The following SF3B1 variants were observed in gnomAD, a reference collection of about 807,000 sequenced individuals.
SF3B1 encodes the protein pre-mRNA processing 10.
SF3B1 carries 12 observed loss-of-function variants against 153.8 expected under a neutral mutation model. The ratio of observed to expected loss-of-function variants is 0.08; its 90% CI spans 0.05 to 0.13. The LOEUF (loss-of-function observed/expected upper bound fraction) is 0.13, where lower values mean the gene tolerates loss of function less well. SF3B1 is among the 10% of genes least tolerant of loss of function. The pLI, the probability that SF3B1 is intolerant of heterozygous loss-of-function variation, is 1.00. For synonymous variants in SF3B1, 498 were observed against 525.2 expected (o/e 0.95, Z 0.71); for missense variants, 513 against 1,606.1 (o/e 0.32, Z 11.63).
intron 1 of SF3B1, among the ~76,000 whole-genome samples, chr2:197,424,355 G>A (rs142626274): frequency 6.6e-6 from 1 of 152,234 alleles, no homozygotes; most frequent in East Asian, 1.9e-4. Context: ...ACAAAAAGTA[G>A]CTGGGCGTGG....
At chr2:197,404,545 C>T (rs1243609616) in intron 11 of SF3B1, among the ~76,000 whole-genome samples, 1 of 152,002 alleles carries the variant, frequency 6.6e-6, no homozygotes, top group Non-Finnish European at 1.5e-5. Flanking sequence ...CCACTGCACT[C>T]CAGCCTGGGC....
chr2:197,429,509 C>T (rs758975223), intron 1 of SF3B1, among the ~76,000 whole-genome samples: 1 of 152,172 alleles, frequency 6.6e-6, no homozygotes, highest in Non-Finnish European at 1.5e-5. Flanking sequence ...GGCAGGCCGG[C>T]ACGGTGGCTC....
intron 5 of SF3B1, among the ~76,000 whole-genome samples, chr2:197,417,613 C>T (rs2085170414): frequency 6.6e-6 from 1 of 150,806 alleles, no homozygotes; most frequent in Non-Finnish European, 1.5e-5. Context: ...GAAAATTAGC[C>T]AGGCATGGCG....
chr2:197,390,526 G>GAAAGTTGTCATAC lies in SF3B1; in HGVS notation c.*1764_*1776dup. ...TTTACTACATAGTGACATATATTCAGAAAGTTGTCATACAAGGAATGATGA... is the reference window on the plus strand; with the variant it reads ...TTTACTACATAGTGACATATATTCAGAAAGTTGTCATACAAAGTTGTCATACAAGGAATGATGA... On this transcript the variant is annotated 3_prime_UTR_variant, in exon 25 of 25. Transcript: ENST00000335508. 6.6e-6 allele frequency: 1 copy of GAAAGTTGTCATAC among 152,110 alleles called. No individual in the cohort carries two copies. Among genetic ancestry groups the GAAAGTTGTCATAC allele is most frequent in the South Asian group, 2.1e-4 (1 of 4,816 alleles). The allele number at this position is 152,110 out of a possible 1,614,324, so 9.4% of individuals were successfully genotyped here. A position where few individuals can be genotyped will look rare whatever the true frequency, so the allele number is the denominator to read the frequency against.
chr2:197,415,585 TC>T (rs1306017678), intron 6 of SF3B1, among the ~76,000 whole-genome samples: 2 of 152,198 alleles, frequency 1.3e-5, no homozygotes, highest in East Asian at 3.8e-4. Context: ...TTAAATATTT[TC>T]AAGTGCTTTC....
At chr2:197,413,801 CTTGTT>C (rs1449698930) in intron 6 of SF3B1, among the ~76,000 whole-genome samples, 72 of 149,274 alleles carry the variant, frequency 4.8e-4, no homozygotes, top group African/African-American at 1.6e-3. Flanking sequence ...TATTGTTGTT[CTTGTT>C]TTGTTTTGTT....
chr2:197,420,648 C>A, intron 3 of SF3B1, 106 bp from the exon 4 acceptor site: 1 of 654,798 alleles, frequency 1.5e-6, no homozygotes. Flanking sequence ...TTAATACATG[C>A]CTACTAATAT....
chr2:197,406,679 T>A (rs2084997519), intron 9 of SF3B1, among the ~76,000 whole-genome samples: 1 of 152,236 alleles, frequency 6.6e-6, no homozygotes, highest in Admixed American at 6.5e-5. Context: ...AAGTTCTGTC[T>A]ATCTATACCC....
At position 197,403,575 on chromosome 2, in the gene SF3B1, G is replaced by C. The variant is rs753813735; in HGVS notation, c.1719+10C>G. 8 of 1,522,044 alleles carry C rather than the reference G, an allele frequency of 5.3e-6. No individual in the cohort carries two copies. Among genetic ancestry groups the C allele is most frequent in the Non-Finnish European group, 6.1e-6 (7 of 1,139,056 alleles). The allele number at this position is 1,522,044 out of a possible 1,614,324, so 94.3% of individuals were successfully genotyped here. On this transcript the variant is annotated intron_variant, in intron 12 of 24. Coordinates refer to ENST00000335508, the MANE Select transcript of SF3B1 (RefSeq NM_012433.4). ...TTAAACTATCAGAAACACTATTAAG[G>C]AGAACAAACCTTATGCACATATGGA...
chr2:197,415,533 CG>C (rs1439928358), intron 6 of SF3B1, among the ~76,000 whole-genome samples: 3 of 152,054 alleles, frequency 2.0e-5, no homozygotes, highest in African/African-American at 7.2e-5. Flanking sequence ...GGATTACAAG[CG>C]TGAGCCACCG....
At chr2:197,417,792 A>G (rs1251131471) in intron 5 of SF3B1, among the ~76,000 whole-genome samples, 2 of 152,060 alleles carry the variant, frequency 1.3e-5, no homozygotes, top group East Asian at 3.9e-4. Flanking sequence ...TTATTAGACA[A>G]AATGGCATAA....
At chr2:197,392,492 A>G (rs1167877606) in intron 24 of SF3B1, 31 bp from the exon 25 acceptor site, 3 of 1,060,676 alleles carry the variant, frequency 2.8e-6, no homozygotes, top group African/African-American at 1.7e-5. Flanking sequence ...CATTATTTCA[A>G]TTTTTAAGAA....
At chr2:197,412,647 C>T (rs1238616761) in intron 6 of SF3B1, among the ~76,000 whole-genome samples, 7 of 151,584 alleles carry the variant, frequency 4.6e-5, no homozygotes, top group African/African-American at 1.5e-4. Context: ...TGAGCCACCG[C>T]GTCTGGCCGA....
At chr2:197,425,958 C>A (rs1187348385) in intron 1 of SF3B1, among the ~76,000 whole-genome samples, 2 of 151,952 alleles carry the variant, frequency 1.3e-5, no homozygotes, top group Non-Finnish European at 2.9e-5. Flanking sequence ...ACGATTGCTG[C>A]CACTGCACTC....
intron 1 of SF3B1, among the ~76,000 whole-genome samples, chr2:197,430,613 C>T (rs555856683): frequency 1.3e-5 from 2 of 152,142 alleles, no homozygotes; most frequent in Non-Finnish European, 2.9e-5. Context: ...ACCACCAAAC[C>T]CAGCTAATTT....
Position 197,391,133 on chromosome 2 carries a change from T to C in SF3B1, c.*1170A>G, listed in dbSNP as rs2084806035. The C allele has an allele frequency of 6.6e-6, 1 of 152,208 alleles. No homozygotes were observed. The highest frequency in any genetic ancestry group is 1.9e-4 in the East Asian group (1 of 5,204). The allele number at this position is 152,208 out of a possible 1,614,324, so 9.4% of individuals were successfully genotyped here. On this transcript the variant is annotated 3_prime_UTR_variant, in exon 25 of 25. Transcript: ENST00000335508. ...ATAACATTAGAAAAGTTTGAAAATATACTTTACATATTTGCTTAAAAAATT... is the reference window on the plus strand; with the variant it reads ...ATAACATTAGAAAAGTTTGAAAATACACTTTACATATTTGCTTAAAAAATT...
chr2:197,420,219 C>T (rs2085217670), intron 4 of SF3B1: 4 of 452,676 alleles, frequency 8.8e-6, no homozygotes, highest in Non-Finnish European at 1.6e-5. Context: ...TCATTTTTTT[C>T]TTGTCCTTCT....
intron 23 of SF3B1, among the ~76,000 whole-genome samples, 167 bp downstream of exon 23, chr2:197,395,889 C>T (rs2084869960): frequency 6.6e-6 from 1 of 152,290 alleles, no homozygotes; most frequent in Non-Finnish European, 1.5e-5. Flanking sequence ...ACAGCGTGCA[C>T]ATTATTTTAA....
At chr2:197,419,280 C>T (rs770554191) in intron 4 of SF3B1, 9 of 316,888 alleles carry the variant, frequency 2.8e-5, no homozygotes, top group Non-Finnish European at 4.7e-5. Flanking sequence ...ATGATGCACA[C>T]AGAAGCAACG....
Sources: gnomAD v4.1 joint callset for allele counts (sites outside exome capture counted in the v4.1 genomes callset) on GRCh38, gnomAD v4.1.1 for gene constraint, MANE v1.5 for transcripts, NCBI Gene and HGNC (gene_info 2026-07-23, HGNC 2026-07-21) for gene names.